Variants in GAK observed in about 807,000 individuals in gnomAD.
The protein encoded by GAK is cyclin G associated kinase.
In GAK, 79 loss-of-function variants were observed where a neutral mutation model predicts 143.9. The observed-to-expected ratio is 0.55, with a 90% CI of 0.46 to 0.66. The LOEUF is 0.66. GAK is among the 30% of genes least tolerant of loss of function. GAK has a pLI of 0.00. For synonymous variants in GAK, 881 were observed against 765.5 expected, an observed-to-expected ratio of 1.15 and a Z score of -2.49; for missense variants, 1,693 against 1,779.7, an observed-to-expected ratio of 0.95 and a Z score of 0.88.
intron 24 of GAK, chr4:859,081 G>A: frequency 1.3e-6 from 1 of 792,158 alleles, no homozygotes. Context: ...TGAACCCAGA[G>A]ACCCAGGGGC....
chr4:932,025 G>T lies in GAK; in HGVS notation c.145+18C>A. The T allele has an allele frequency of 6.5e-7, 1 of 1,548,916 alleles. No individual in the cohort carries two copies. The highest frequency in any genetic ancestry group is 8.8e-7 in the Non-Finnish European group (1 of 1,138,380). ...AACACTCCGCGGCCGCACCCGCGCT[G>T]CCGACCCGGGGCCTCACCTTCGGCC... On this transcript the variant is annotated intron_variant, in intron 1 of 27. Transcript: ENST00000314167. This position sits in a 1 kb window ranked among gnomAD's most constrained non-coding sequence, Gnocchi z 4.0.
At chr4:855,379 T>C (rs1176889834) in intron 24 of GAK, among the ~76,000 whole-genome samples, 1 of 152,216 alleles carries the variant, frequency 6.6e-6, no homozygotes, top group Non-Finnish European at 1.5e-5. Flanking sequence ...TTTTAAATGT[T>C]GGCTTCCTTA....
chr4:917,339 A>G (rs1723230968), intron 1 of GAK, among the ~76,000 whole-genome samples: 1 of 152,228 alleles, frequency 6.6e-6, no homozygotes, highest in Non-Finnish European at 1.5e-5. Context: ...GGCCAAAAAA[A>G]GAGAGTACAT....
At chr4:898,632 C>T (rs973378117) in intron 5 of GAK, among the ~76,000 whole-genome samples, 20 of 152,334 alleles carry the variant, frequency 1.3e-4, no homozygotes, top group South Asian at 1.0e-3. Flanking sequence ...GAGGCCAAGG[C>T]GGGCGGATCA....
At chr4:900,166 T>C (rs1322073164) in intron 5 of GAK, among the ~76,000 whole-genome samples, 1 of 152,126 alleles carries the variant, frequency 6.6e-6, no homozygotes, top group African/African-American at 2.4e-5. Flanking sequence ...GAGACGAAGC[T>C]GTGCGCACAG....
chr4:876,948 A>T (rs1458942934), intron 17 of GAK, 142 bp downstream of exon 17: 1 of 627,324 alleles, frequency 1.6e-6, no homozygotes, highest in Non-Finnish European at 2.8e-6. Flanking sequence ...GCTGTGGGGC[A>T]GTCGCCACAT....
chr4:924,358 A>C (rs1339172103), intron 1 of GAK, among the ~76,000 whole-genome samples: 2 of 152,090 alleles, frequency 1.3e-5, no homozygotes, highest in Admixed American at 1.3e-4. Context: ...TGGAAATGTA[A>C]AATGGTGCAG....
At chr4:928,785 C>T (rs1269211172) in intron 1 of GAK, among the ~76,000 whole-genome samples, 2 of 151,792 alleles carry the variant, frequency 1.3e-5, no homozygotes, top group African/African-American at 2.4e-5. Flanking sequence ...TTTGGTGAGA[C>T]GGAGATTTAC....
At chr4:876,246 G>A (rs1713839804) in intron 18 of GAK, among the ~76,000 whole-genome samples, 1 of 151,114 alleles carries the variant, frequency 6.6e-6, no homozygotes, top group Admixed American at 6.6e-5. Context: ...CGTTTGCTAA[G>A]ATGCAGCCGC....
intron 4 of GAK, among the ~76,000 whole-genome samples, chr4:908,482 G>A (rs1234443014): frequency 6.6e-6 from 1 of 152,080 alleles, no homozygotes; most frequent in Non-Finnish European, 1.5e-5. Flanking sequence ...GGGCAACACA[G>A]CAAGACACCA....
In GAK at chr4:904,688, G is replaced by A. The variant is rs140230555; in HGVS notation, c.474C>T (p.Ala158=). Residue 158 remains alanine, a synonymous_variant, in exon 5 of 28, where the codon GCC becomes GCT. Coordinates refer to ENST00000314167, the MANE Select transcript of GAK (RefSeq NM_005255.4). ...VLKIFYQTCR[A]VQHMHRQKPP... is the part of the protein sequence containing the mutation. ...GCTTCTGCCGGTGCATGTGCTGCAC[G>A]GCGCGGCACGTCTGGTAGAAGATCT... is the stretch of plus-strand genomic sequence containing the variant. 3.6e-5 allele frequency: 58 copies of A among 1,613,080 alleles called. No homozygotes were observed. The highest frequency in any genetic ancestry group is 5.3e-5 in the African/African-American group (4 of 74,868).
rs370884471 is a variant in GAK at position 867,301 on chromosome 4, G to C, written c.2527C>G (p.Pro843Ala). The change falls in exon 21 of 28, where the codon CCC becomes GCC. Residue 843 changes from proline (P) to alanine (A), a missense_variant. Coordinates refer to ENST00000314167, the MANE Select transcript of GAK (RefSeq NM_005255.4). The part of the protein sequence containing the change: ...GSPISSEGQE[P>A]RADPEPPGLA... The stretch of plus-strand genomic sequence containing the variant: ...CCGGGGGGCTCTGGGTCGGCCCTGG[G>C]TTCCTGGCCCTCGCTGGAGATCGGG... The C allele has an allele frequency of 2.9e-5, 46 of 1,612,070 alleles. No homozygotes were observed. The highest frequency in any genetic ancestry group is 3.7e-5 in the Non-Finnish European group (44 of 1,179,064).
At chr4:902,552 G>A (rs746851365) in intron 5 of GAK, among the ~76,000 whole-genome samples, 9 of 136,406 alleles carry the variant, frequency 6.6e-5, no homozygotes, top group Non-Finnish European at 1.2e-4. Flanking sequence ...AGTGAGCCCC[G>A]TCAGTGCCGC....
chr4:913,415 C>T (rs955456403), intron 2 of GAK, among the ~76,000 whole-genome samples, 192 bp downstream of exon 2: 8 of 152,148 alleles, frequency 5.3e-5, no homozygotes, highest in Non-Finnish European at 1.0e-4. Flanking sequence ...GAGTGTGAAG[C>T]CCAAAGCTGG....
At chr4:865,623 C>T (rs1751037571) in intron 22 of GAK, among the ~76,000 whole-genome samples, 1 of 152,362 alleles carries the variant, frequency 6.6e-6, no homozygotes, top group South Asian at 2.1e-4. Flanking sequence ...CTGCCTTCGG[C>T]AGACAGAGGG....
chr4:860,768 C>G (rs981260773), intron 23 of GAK, among the ~76,000 whole-genome samples: 3 of 152,072 alleles, frequency 2.0e-5, no homozygotes, highest in East Asian at 1.9e-4. Context: ...GACGGGCACC[C>G]AGGCCCTGGC....
intron 18 of GAK, among the ~76,000 whole-genome samples, chr4:871,863 C>G (rs1281547316): frequency 1.1e-4 from 17 of 152,230 alleles, no homozygotes; most frequent in Admixed American, 1.1e-3. Flanking sequence ...CTGTCATAAA[C>G]TGCACTGATA....
chr4:887,124 G>A (rs112343297), intron 11 of GAK: 6,482 of 151,400 alleles, frequency 0.043, 159 homozygotes, highest in East Asian at 0.094. Flanking sequence ...GCTTACACAT[G>A]CACGCGGCTC....
intron 1 of GAK, among the ~76,000 whole-genome samples, chr4:923,430 A>G (rs1724205561): frequency 6.6e-6 from 1 of 152,214 alleles, no homozygotes; most frequent in African/African-American, 2.4e-5. Context: ...GCACTTTGGG[A>G]GGCCGAGGTG....
Sources: allele counts gnomAD v4.1 joint callset (sites outside exome capture counted in the v4.1 genomes callset), GRCh38; gene constraint gnomAD v4.1.1; non-coding constraint Gnocchi (gnomAD v3.1); transcripts MANE v1.5; gene names NCBI Gene and HGNC (gene_info 2026-07-23, HGNC 2026-07-21).